Variants in EIF4G1 observed in about 807,000 individuals in gnomAD.
The protein encoded by EIF4G1 is eukaryotic translation initiation factor 4 gamma 1, also known as EIF4-gamma.
Under a neutral mutation model 187.8 loss-of-function variants are expected in EIF4G1, and 4 were observed. The ratio of observed to expected loss-of-function variants is 0.02; its 90% CI spans 0.01 to 0.05. EIF4G1 has a LOEUF of 0.05. EIF4G1 is among the 10% of genes least tolerant of loss of function. The probability of loss-of-function intolerance (pLI) is 1.00; values close to 1 mark genes in which losing one functional copy is unlikely to be tolerated. For missense variants in EIF4G1, 1,647 were observed against 2,081.1 expected (o/e 0.79, Z 4.06); for synonymous variants, 844 against 781.4 (o/e 1.08, Z -1.34).
rs1167129890 is a variant in EIF4G1, at chr3:184,322,469, G to A, written c.1608+19G>A. The A allele has an allele frequency of 1.2e-6, 2 of 1,613,980 alleles. No homozygotes were observed. Among genetic ancestry groups the A allele is most frequent in the East Asian group, 2.2e-5 (1 of 44,870 alleles). On this transcript the variant is annotated intron_variant, in intron 11 of 32. Coordinates refer to ENST00000346169, the MANE Select transcript of EIF4G1 (RefSeq NM_198241.3). ...CAAGGAGGTAAGGGAGCAGAAAATG[G>A]GAGGGGAGAGGGCCAAGTTGAGGTA...
chr3:184,333,718 G>A (rs1171874847), intron 32 of EIF4G1, among the ~76,000 whole-genome samples: 1 of 152,206 alleles, frequency 6.6e-6, no homozygotes, highest in African/African-American at 2.4e-5. Flanking sequence ...ACAGAAAGAA[G>A]GGAAAACATC....
At chr3:184,314,859 C>T (rs1235956919) in intron 1 of EIF4G1, among the ~76,000 whole-genome samples, 185 bp downstream of exon 1, 6 of 150,386 alleles carry the variant, frequency 4.0e-5, no homozygotes, top group African/African-American at 1.5e-4. Context: ...CCGGCCGGGC[C>T]TGGCTGCTGG....
chr3:184,321,803 G>A lies in EIF4G1; in HGVS notation c.1219G>A (p.Ala407Thr), dbSNP rs544371885. The A allele has an allele frequency of 8.1e-5, 131 of 1,613,796 alleles. 2 individuals are homozygous for A. The South Asian group carries it at 1.3e-3, about 16-fold the overall frequency. ...CCAACCTGAGGAACTGCTCAACGGA[G>A]CCCCCTCGCCACCAGCTGTGGACTT... ...TAQPEELLNG[A>T]PSPPAVDLSP... The change falls in exon 10 of 33, where the codon GCC becomes ACC. Residue 407 changes from alanine (A) to threonine (T), a missense_variant. Ala to Thr is a moderately conservative substitution (Grantham distance 58). This residue lies in a region of EIF4G1 where 522 missense variants were observed against 485.2 expected (regional missense o/e 1.08). Coordinates refer to ENST00000346169, the MANE Select transcript of EIF4G1 (RefSeq NM_198241.3).
At chr3:184,316,329 C>G (rs1430042898) in intron 4 of EIF4G1, 111 bp downstream of exon 4, 6 of 1,387,606 alleles carry the variant, frequency 4.3e-6, no homozygotes, top group South Asian at 3.8e-5. Flanking sequence ...CCTTAATCCT[C>G]TGTGTTCTTT....
chr3:184,315,967 C>G (rs1379420158), intron 3 of EIF4G1, 111 bp downstream of exon 3: 7 of 1,511,134 alleles, frequency 4.6e-6, no homozygotes, highest in Non-Finnish European at 6.2e-6. Flanking sequence ...CGCCTGCTGC[C>G]AAATTGAGAC....
rs780495436 is a variant in EIF4G1 at position 184,322,686 on chromosome 3, C to A, written c.1751C>A (p.Ala584Asp). ...WDSKEDKIHN[A>D]ENIQPGEQKY... Reference sequence around the variant, plus strand: ...TCAAAGGAAGACAAAATTCACAATGCTGAGAACATCCAGCCCGGGGAACAG... The same window carrying A: ...TCAAAGGAAGACAAAATTCACAATGATGAGAACATCCAGCCCGGGGAACAG... The change falls in exon 12 of 33, where the codon GCT becomes GAT. Residue 584 changes from alanine to aspartate, a missense_variant. Coordinates refer to ENST00000346169, the MANE Select transcript of EIF4G1 (RefSeq NM_198241.3). 1 of 1,614,170 alleles carries A rather than the reference C, an allele frequency of 6.2e-7. No individual in the cohort carries two copies. The highest frequency in any genetic ancestry group is 8.5e-7 in the Non-Finnish European group (1 of 1,180,034).
rs1254951997 is a variant in EIF4G1, at chr3:184,335,010, G to T, written c.*102G>T. On this transcript the variant is annotated 3_prime_UTR_variant, in exon 33 of 33. Coordinates refer to ENST00000346169, the MANE Select transcript of EIF4G1 (RefSeq NM_198241.3). Reference sequence around the variant, plus strand: ...GGCAGCAGCGGCGGTGGCAGTGGGTGCCTGTAGTGTGATGTGTCTGAACTA... The same window carrying T: ...GGCAGCAGCGGCGGTGGCAGTGGGTTCCTGTAGTGTGATGTGTCTGAACTA... The T allele has an allele frequency of 4.0e-5, 59 of 1,480,902 alleles. No individual in the cohort carries two copies. The highest frequency in any genetic ancestry group is 4.2e-5 in the Non-Finnish European group (46 of 1,083,242). The allele number at this position is 1,480,902 out of a possible 1,614,324, so 91.7% of individuals were successfully genotyped here. A position where few individuals can be genotyped will look rare whatever the true frequency, so the allele number is the denominator to read the frequency against.
At chr3:184,328,493 T>C in intron 26 of EIF4G1, 138 bp from the exon 27 acceptor site, 2 of 1,243,980 alleles carry the variant, frequency 1.6e-6, no homozygotes, top group South Asian at 1.2e-5. Context: ...AGAGGTGGCC[T>C]TAGCTTGAAA....
Position 184,331,535 on chromosome 3 carries a change from G to T in EIF4G1, c.4324G>T (p.Glu1442Ter). 1 of 1,613,642 alleles carries T rather than the reference G, an allele frequency of 6.2e-7. No homozygotes were observed. The highest frequency in any genetic ancestry group is 8.5e-7 in the Non-Finnish European group (1 of 1,179,878). Reference protein sequence around the residue: ...APGQRALPSEELNRQLEKLLK... With the variant: ...APGQRALPSE ...TGGCCAGAGGGCACTCCCCTCCGAG[G>T]AGCTGAACAGGCAGCTGGAGAAGCT... Residue 1442 changes from glutamate (E) to a stop codon, truncating the protein, a stop_gained, in exon 30 of 33, where the codon GAG becomes TAG. Coordinates refer to ENST00000346169, the MANE Select transcript of EIF4G1 (RefSeq NM_198241.3). LOFTEE classifies it high-confidence loss of function.
rs1398912233 is a variant in EIF4G1 at position 184,321,947 on chromosome 3, G to A, written c.1363G>A (p.Glu455Lys). 1.2e-6 allele frequency: 2 copies of A among 1,614,060 alleles called. No homozygotes were observed. The highest frequency in any genetic ancestry group is 2.7e-5 in the African/African-American group (2 of 74,930). ...TTCAGCTACTTCCCCAGCTCAGGAG[G>A]AGGAAATGGAAGAAGAAGAAGAAGA... ...APSATSPAQE[E>K]EMEEEEEEEE... The change falls in exon 10 of 33, where the codon GAG becomes AAG. Residue 455 changes from glutamate (E) to lysine (K), a missense_variant. By Grantham distance (56) the Glu-to-Lys change is moderately conservative. Transcript: ENST00000346169.
At chr3:184,324,808 C>G in intron 17 of EIF4G1, 70 bp from the exon 18 acceptor site, 1 of 1,542,332 alleles carries the variant, frequency 6.5e-7, no homozygotes, top group Non-Finnish European at 8.9e-7. Flanking sequence ...TTTGGATATC[C>G]AGGTAGAAAA....
Position 184,334,935 on chromosome 3 carries a change from C to T in EIF4G1, c.*27C>T, listed in dbSNP as rs1726848596. Reference sequence around the variant, plus strand: ...GGCTGGTGGGGCCGGGGACCTGGAGCCCCATGGACACACAGATGGCCCGGC... The same window carrying T: ...GGCTGGTGGGGCCGGGGACCTGGAGTCCCATGGACACACAGATGGCCCGGC... On this transcript the variant is annotated 3_prime_UTR_variant, in exon 33 of 33. Coordinates refer to ENST00000346169, the MANE Select transcript of EIF4G1 (RefSeq NM_198241.3). The surrounding 1 kb of genome is among the most constrained non-coding windows in gnomAD (Gnocchi z 5.8). 6.2e-7 allele frequency: 1 copy of T among 1,612,900 alleles called. No individual in the cohort carries two copies. Among genetic ancestry groups the T allele is most frequent in the African/African-American group, 1.3e-5 (1 of 74,888 alleles).
At position 184,331,467 on chromosome 3, in the gene EIF4G1, T is replaced by C. The variant is rs530830818; in HGVS notation, c.4261-5T>C. The stretch of plus-strand genomic sequence containing the variant: ...CCTCTTAACTGCGGGCCTTTTCCAT[T>C]GCAGAAGGTGGAGTATACCCTGGGA... On this transcript the variant is annotated splice_polypyrimidine_tract_variant and splice_region_variant and intron_variant, in intron 29 of 32. Coordinates refer to ENST00000346169, the MANE Select transcript of EIF4G1 (RefSeq NM_198241.3). The C allele has an allele frequency of 6.2e-7, 1 of 1,614,190 alleles. No homozygotes were observed. The highest frequency in any genetic ancestry group is 1.7e-5 in the Admixed American group (1 of 60,020).
Position 184,322,670 on chromosome 3 carries a change from G to C in EIF4G1, c.1735G>C (p.Asp579His). Reference protein sequence around the residue: ...EADETWDSKEDKIHNAENIQP... With the variant: ...EADETWDSKEHKIHNAENIQP... ...AGATGAGACCTGGGACTCAAAGGAA[G>C]ACAAAATTCACAATGCTGAGAACAT... Residue 579 changes from aspartate to histidine, a missense_variant, in exon 12 of 33, where the codon GAC becomes CAC. Asp to His is a moderately conservative substitution (Grantham distance 81). This residue lies in a region of EIF4G1 where 522 missense variants were observed against 485.2 expected (regional missense o/e 1.08). Coordinates refer to ENST00000346169, the MANE Select transcript of EIF4G1 (RefSeq NM_198241.3). 1 of 1,614,220 alleles carries C rather than the reference G, an allele frequency of 6.2e-7. No individual in the cohort carries two copies. Among genetic ancestry groups the C allele is most frequent in the South Asian group, 1.1e-5 (1 of 91,086 alleles).
At position 184,325,513 on chromosome 3, in the gene EIF4G1, C is replaced by A; in HGVS notation, c.2995C>A (p.Pro999Thr). The A allele has an allele frequency of 6.2e-7, 1 of 1,614,134 alleles. No homozygotes were observed. ...NWVPRRGDQG[P>T]KTIDQIHKEA... The stretch of plus-strand genomic sequence containing the variant: ...GGTGCCACGCCGAGGGGATCAGGGT[C>A]CCAAGACCATTGACCAGATCCATAA... Residue 999 changes from proline to threonine, a missense_variant, in exon 20 of 33, where the codon CCC becomes ACC. Physicochemically the swap from Pro to Thr is conservative, Grantham distance 38. This residue lies in a region of EIF4G1 where 142 missense variants were observed against 296.6 expected (regional missense o/e 0.48). Coordinates refer to ENST00000346169, the MANE Select transcript of EIF4G1 (RefSeq NM_198241.3). This position sits in a 1 kb window ranked among gnomAD's most constrained non-coding sequence, Gnocchi z 5.2.
chr3:184,332,964 G>A (rs1726424726), intron 32 of EIF4G1, among the ~76,000 whole-genome samples: 1 of 152,194 alleles, frequency 6.6e-6, no homozygotes, highest in Non-Finnish European at 1.5e-5. Flanking sequence ...AGGAATAAAG[G>A]AATTTGATTT....
At chr3:184,318,587 A>G (rs1275052755) in intron 6 of EIF4G1, among the ~76,000 whole-genome samples, 5 of 152,130 alleles carry the variant, frequency 3.3e-5, no homozygotes, top group Admixed American at 2.6e-4. Flanking sequence ...CTCCGTCTCT[A>G]CTAAATTTTA....
rs3762642 is a variant in EIF4G1 at position 184,319,646 on chromosome 3, C to T, written c.425-43C>T. ...AGGCAGGCATTAGTATATGGTTGGGCCCTGACGCTACCACCATTCTTCTCC... is the reference window on the plus strand; with the variant it reads ...AGGCAGGCATTAGTATATGGTTGGGTCCTGACGCTACCACCATTCTTCTCC... On this transcript the variant is annotated intron_variant, in intron 6 of 32. Transcript: ENST00000346169. 1.8e-4 allele frequency: 236 copies of T among 1,279,900 alleles called. No homozygotes were observed. In the East Asian group the frequency reaches 5.1e-3, roughly 28 times the overall value. The allele number at this position is 1,279,900 out of a possible 1,614,324, so 79.3% of individuals were successfully genotyped here.
Position 184,322,051 on chromosome 3 carries a change from C to A in EIF4G1, c.1467C>A (p.Thr489=). The change falls in exon 10 of 33, where the codon ACC becomes ACA. Residue 489 remains threonine, a synonymous_variant. Transcript: ENST00000346169. The part of the protein sequence containing the change: ...GGEELLPPES[T]PIPANLSQNL... ...AGGAACTGCTCCCCCCAGAGAGTAC[C>A]CCTATTCCAGCCAACTTGTCTCAGA... is the stretch of plus-strand genomic sequence containing the variant. 2 of 1,614,050 alleles carry A rather than the reference C, an allele frequency of 1.2e-6. No homozygotes were observed. The highest frequency in any genetic ancestry group is 4.5e-5 in the East Asian group (2 of 44,878).
Sources: gnomAD v4.1 joint callset for allele counts (sites outside exome capture counted in the v4.1 genomes callset) on GRCh38, gnomAD v4.1.1 for gene constraint, gnomAD v4.1.1 regional missense constraint, Gnocchi (gnomAD v3.1) non-coding constraint, MANE v1.5 for transcripts, NCBI Gene and HGNC (gene_info 2026-07-23, HGNC 2026-07-21) for gene names.